C19orf47: variants seen among roughly 807,000 people sequenced by gnomAD.
C19orf47 encodes uncharacterized protein C19orf47.
In C19orf47, 18 loss-of-function variants were observed where a neutral mutation model predicts 32.3. The observed-to-expected ratio is 0.56, with a 90% CI of 0.39 to 0.83. C19orf47 has a LOEUF of 0.83. Among genes scored for constraint, C19orf47 ranks in the 40% least tolerant of loss-of-function variants. The pLI is 0.00. For synonymous variants in C19orf47, 202 were observed against 211.1 expected, an observed-to-expected ratio of 0.96 and a Z score of 0.37; for missense variants, 484 against 531.6, an observed-to-expected ratio of 0.91 and a Z score of 0.88.
In C19orf47 at chr19:40,322,220, G is replaced by T; in HGVS notation, c.820C>A (p.Leu274Met). 1 of 1,610,222 alleles carries T rather than the reference G, an allele frequency of 6.2e-7. No individual in the cohort carries two copies. Among genetic ancestry groups the T allele is most frequent in the African/African-American group, 1.3e-5 (1 of 75,074 alleles). The change falls in exon 9 of 9, where the codon CTG becomes ATG. Residue 274 changes from leucine (L) to methionine (M), a missense_variant. Physicochemically the swap from Leu to Met is conservative, Grantham distance 15 (BLOSUM62 2). Coordinates refer to ENST00000683109, the MANE Select transcript of C19orf47 (RefSeq NM_001256441.2). ...GPAKASPQPA[L>M]TVKAKATSSA... ...CTTGTGGCCTTGGCTTTGACAGTCAGTGCTGGCTGGGGACTGGCCTTGGCT... is the reference window on the plus strand; with the variant it reads ...CTTGTGGCCTTGGCTTTGACAGTCATTGCTGGCTGGGGACTGGCCTTGGCT...
the C19orf47 span, among the ~76,000 whole-genome samples, chr19:40,312,682 TG>T: frequency 6.6e-6 from 1 of 152,188 alleles, no homozygotes; most frequent in Non-Finnish European, 1.5e-5. Flanking sequence ...CAGCCCAAGC[TG>T]GGCCCCAGAT....
Position 40,321,909 on chromosome 19 carries a change from G to A in C19orf47, c.1131C>T (p.Phe377=). The A allele has an allele frequency of 6.2e-7, 1 of 1,608,962 alleles. No individual in the cohort carries two copies. The highest frequency in any genetic ancestry group is 1.7e-4 in the Middle Eastern group (1 of 5,794). ...QMDHAGTVSV[F]KRLGRRTF ...AGAAGGTCCTGCGGCCCAGTCTTTTGAACACGCTCACAGTGCCCGCGTGGT... is the reference window on the plus strand; with the variant it reads ...AGAAGGTCCTGCGGCCCAGTCTTTTAAACACGCTCACAGTGCCCGCGTGGT... Residue 377 remains phenylalanine (F), a synonymous_variant, in exon 9 of 9, where the codon TTC becomes TTT. Coordinates refer to ENST00000683109, the MANE Select transcript of C19orf47 (RefSeq NM_001256441.2).
the C19orf47 span, among the ~76,000 whole-genome samples, chr19:40,312,104 A>G: frequency 6.6e-6 from 1 of 152,238 alleles, no homozygotes; most frequent in Non-Finnish European, 1.5e-5. Flanking sequence ...CATGACCACA[A>G]TGCGAGTTCT....
At position 40,333,929 on chromosome 19, in the gene C19orf47, C is replaced by A; in HGVS notation, c.223G>T (p.Asp75Tyr). The change falls in exon 5 of 9, where the codon GAC becomes TAC. Residue 75 changes from aspartate to tyrosine, a missense_variant and splice_region_variant. Transcript: ENST00000683109. ...GACTCAGTGGCAGCTTTGCACATGTCCTGTGAAAAAAGAACAGGCACCTGG... is the reference window on the plus strand; with the variant it reads ...GACTCAGTGGCAGCTTTGCACATGTACTGTGAAAAAAGAACAGGCACCTGG... ...LKHAKVVHRQ[D>Y]MCKAATESVP... The A allele has an allele frequency of 1.3e-6, 2 of 1,560,506 alleles. No homozygotes were observed. The highest frequency in any genetic ancestry group is 8.7e-7 in the Non-Finnish European group (1 of 1,151,832).
At chr19:40,307,144 A>G in the C19orf47 span, among the ~76,000 whole-genome samples, 156 of 122,072 alleles carry the variant, frequency 1.3e-3, no homozygotes, top group African/African-American at 4.8e-3. Flanking sequence ...GTCACAGGCT[A>G]CAGCGCAGTG....
At chr19:40,340,703 G>A in intron 2 of C19orf47, among the ~76,000 whole-genome samples, 1 of 151,360 alleles carries the variant, frequency 6.6e-6, no homozygotes, top group South Asian at 2.1e-4. Flanking sequence ...TACAGGCCAG[G>A]CGCAGTGGCT....
chr19:40,339,878 G>C (rs2078140525), intron 2 of C19orf47, among the ~76,000 whole-genome samples: 1 of 151,822 alleles, frequency 6.6e-6, no homozygotes, highest in African/African-American at 2.4e-5. Flanking sequence ...TGGAGGCTGA[G>C]GCAGGAGAAT....
chr19:40,341,021 C>G (rs1171374757), intron 2 of C19orf47, among the ~76,000 whole-genome samples: 3 of 144,166 alleles, frequency 2.1e-5, no homozygotes, highest in African/African-American at 7.6e-5. Context: ...GCTTTTTAAT[C>G]ACTCTTAAAA....
At chr19:40,345,717 C>G (rs995738657) in intron 1 of C19orf47, among the ~76,000 whole-genome samples, 5 of 150,018 alleles carry the variant, frequency 3.3e-5, no homozygotes, top group Admixed American at 6.7e-5. Context: ...TGGTGTATGC[C>G]TGTAATCCAA....
At chr19:40,344,852 C>T (rs890271648) in intron 1 of C19orf47, among the ~76,000 whole-genome samples, 1 of 152,158 alleles carries the variant, frequency 6.6e-6, no homozygotes, top group African/African-American at 2.4e-5. Context: ...CTCACAACCA[C>T]CCTCGGAAAG....
chr19:40,306,011 C>T, the C19orf47 span, among the ~76,000 whole-genome samples: 3 of 151,970 alleles, frequency 2.0e-5, no homozygotes, highest in East Asian at 3.9e-4. Context: ...ATTAGCCGGA[C>T]GTGGTGGTGG....
upstream of C19orf47, chr19:40,348,406 C>G: frequency 6.7e-7 from 1 of 1,483,162 alleles, no homozygotes; most frequent in Non-Finnish European, 8.9e-7. Flanking sequence ...TCCCCCGGCC[C>G]GGGCTGCCCG....
At chr19:40,348,428 T>C, upstream of C19orf47, 1 of 1,489,760 alleles carries the variant, frequency 6.7e-7, no homozygotes, top group Non-Finnish European at 8.9e-7. Flanking sequence ...CCCGGAAGCA[T>C]CCTCTCACCG....
At chr19:40,331,419 T>G (rs760047355) in intron 5 of C19orf47, among the ~76,000 whole-genome samples, 4 of 152,196 alleles carry the variant, frequency 2.6e-5, no homozygotes, top group Non-Finnish European at 5.9e-5. Flanking sequence ...ACCACTAAAA[T>G]CAGCTGAGCT....
intron 1 of C19orf47, among the ~76,000 whole-genome samples, chr19:40,344,112 G>A (rs2078228530): frequency 6.6e-6 from 1 of 151,542 alleles, no homozygotes; most frequent in Non-Finnish European, 1.5e-5. Context: ...TGATGAGTAT[G>A]ACCACAGACA....
At chr19:40,343,204 G>A (rs916402018) in intron 1 of C19orf47, among the ~76,000 whole-genome samples, 1 of 151,976 alleles carries the variant, frequency 6.6e-6, no homozygotes, top group Non-Finnish European at 1.5e-5. Context: ...ATCTACCGCA[G>A]CCCCCAATAC....
the C19orf47 span, among the ~76,000 whole-genome samples, chr19:40,294,160 C>T: frequency 6.6e-6 from 1 of 152,012 alleles, no homozygotes; most frequent in Admixed American, 6.6e-5. Flanking sequence ...TCACTCCCTT[C>T]GAGTTTCTGG....
chr19:40,326,249 C>A, intron 7 of C19orf47, 85 bp downstream of exon 7: 1 of 1,547,100 alleles, frequency 6.5e-7, no homozygotes, highest in Non-Finnish European at 8.7e-7. Flanking sequence ...TCTCAGCCAC[C>A]GTCTGTAGGA....
chr19:40,346,466 TAAA>T, intron 1 of C19orf47, among the ~76,000 whole-genome samples: 1 of 110,564 alleles, frequency 9.0e-6, no homozygotes, highest in East Asian at 2.4e-4. Context: ...AATAAATAAA[TAAA>T]TAAATAAATA....
Sources: allele counts gnomAD v4.1 joint callset (sites outside exome capture counted in the v4.1 genomes callset), GRCh38; gene constraint gnomAD v4.1.1; transcripts MANE v1.5; gene names NCBI Gene and HGNC (gene_info 2026-07-23, HGNC 2026-07-21).